SEPTIN9: variants seen among roughly 807,000 people sequenced by gnomAD.
The protein encoded by SEPTIN9 is septin 9, also known as septin-9.
A neutral mutation model predicts 56.6 loss-of-function variants in SEPTIN9; 13 were observed. That is an observed-to-expected ratio of 0.23 (90% CI 0.15 to 0.37). SEPTIN9 has a LOEUF of 0.37. Among genes scored for constraint, SEPTIN9 ranks in the 10% least tolerant of loss-of-function variants. SEPTIN9 has a pLI of 1.00. For missense variants in SEPTIN9, 650 were observed against 823.1 expected (o/e 0.79, Z 2.57); for synonymous variants, 332 against 334.1 (o/e 0.99, Z 0.07).
intron 3 of SEPTIN9, chr17:77,444,789 G>A (rs1029620448): frequency 2.0e-5 from 5 of 250,568 alleles, no homozygotes; most frequent in South Asian, 1.6e-4. Flanking sequence ...ATAGTGAGAC[G>A]GGCGGACACC....
intron 4 of SEPTIN9, 160 bp downstream of exon 4, chr17:77,482,495 G>C (rs775920156): frequency 1.9e-5 from 15 of 779,390 alleles, no homozygotes; most frequent in Non-Finnish European, 3.1e-5. Flanking sequence ...GTGCATGCAT[G>C]CGCCTGGGAG....
intron 3 of SEPTIN9, among the ~76,000 whole-genome samples, chr17:77,407,111 A>G (rs113594252): frequency 0.074 from 11,166 of 151,888 alleles, 1,244 homozygotes; most frequent in African/African-American, 0.24. Flanking sequence ...GAGAAACCCT[A>G]TCTTTACAAA....
At chr17:77,444,871 T>G in intron 3 of SEPTIN9, 1 of 324,056 alleles carries the variant, frequency 3.1e-6, no homozygotes, top group East Asian at 9.2e-5. Context: ...CTTTGAGAGG[T>G]TGGGCTGTTC....
intron 2 of SEPTIN9, among the ~76,000 whole-genome samples, chr17:77,386,002 G>C (rs965609110): frequency 6.6e-6 from 1 of 152,188 alleles, no homozygotes; most frequent in South Asian, 2.1e-4. Flanking sequence ...TTTCGGTCCA[G>C]CCCTTCCTGT....
intron 10 of SEPTIN9, among the ~76,000 whole-genome samples, chr17:77,494,614 C>T (rs2040174383): frequency 1.3e-5 from 2 of 152,244 alleles, no homozygotes. Context: ...TACCAGGAGG[C>T]ATCAGACACT....
intron 3 of SEPTIN9, among the ~76,000 whole-genome samples, chr17:77,414,292 C>T (rs1247442099): frequency 6.6e-6 from 1 of 151,876 alleles, no homozygotes; most frequent in Non-Finnish European, 1.5e-5. Context: ...TGAGGCTGGT[C>T]TCGAACTCCT....
intron 3 of SEPTIN9, among the ~76,000 whole-genome samples, chr17:77,408,142 G>A (rs2036158599): frequency 6.6e-6 from 1 of 152,174 alleles, no homozygotes; most frequent in African/African-American, 2.4e-5. Flanking sequence ...GCTCAGTTCT[G>A]GGCATGTCCC....
In SEPTIN9 at chr17:77,319,291, A is replaced by G. The variant is rs2032814663; in HGVS notation, c.76+12094A>G. On this transcript the variant is annotated intron_variant, in intron 2 of 11. Transcript: ENST00000427177. The surrounding 1 kb of genome is among the most constrained non-coding windows in gnomAD (Gnocchi z 5.3). ...CTTGGCCTCAGCATGGACCCTGACC[A>G]TGTGCTGGTGGGGACCCCCCAGGTA... Among the ~76,000 whole-genome samples the G allele has an allele frequency of 6.6e-6, 1 of 152,114 alleles. No homozygotes were observed. The highest frequency in any genetic ancestry group is 1.5e-5 in the Non-Finnish European group (1 of 68,008).
At chr17:77,423,962 C>T (rs1380729445) in intron 3 of SEPTIN9, among the ~76,000 whole-genome samples, 1 of 25,302 alleles carries the variant, frequency 4.0e-5, no homozygotes, top group Non-Finnish European at 5.9e-5. Flanking sequence ...AACACTCTGC[C>T]AGGGCATGTC....
rs189537244 is a variant in SEPTIN9, at chr17:77,402,123, C to G, written c.141C>G (p.Val47=). 1.9e-4 allele frequency: 312 copies of G among 1,613,900 alleles called. 1 individual carries two copies. The African/African-American group carries it at 3.4e-3, about 18-fold the overall frequency. Residue 47 remains valine, a synonymous_variant, in exon 3 of 12, where the codon GTC becomes GTG. Coordinates refer to ENST00000427177, the MANE Select transcript of SEPTIN9 (RefSeq NM_001113491.2). This position sits in a 1 kb window ranked among gnomAD's most constrained non-coding sequence, Gnocchi z 6.6. ...CCAACTCCACCCCACCCCGGAGGGTCCAGACTCCCCTACTCCGAGCCACTG... is the reference window on the plus strand; with the variant it reads ...CCAACTCCACCCCACCCCGGAGGGTGCAGACTCCCCTACTCCGAGCCACTG... The part of the protein sequence containing the change: ...ETPNSTPPRR[V]QTPLLRATVA...
chr17:77,338,729 T>C (rs2033635162), intron 2 of SEPTIN9, among the ~76,000 whole-genome samples: 1 of 152,232 alleles, frequency 6.6e-6, no homozygotes, highest in Non-Finnish European at 1.5e-5. Flanking sequence ...GGCAGTTTCT[T>C]AACTGAAGTT....
At chr17:77,294,103 CAAAA>C (rs376507344) in intron 1 of SEPTIN9, among the ~76,000 whole-genome samples, 66 of 115,892 alleles carry the variant, frequency 5.7e-4, no homozygotes, top group African/African-American at 5.9e-4. Flanking sequence ...GACCATGTCT[CAAAA>C]AAAAAAAAAA....
rs376368089 is a variant in SEPTIN9, at chr17:77,451,573, C to G, written c.722-30571C>G. The G allele has an allele frequency of 7.1e-6, 7 of 983,786 alleles. No homozygotes were observed. The African/African-American group carries it at 8.7e-5, about 12-fold the overall frequency. 60.9% of individuals were successfully genotyped at this position (983,786 alleles called of 1,614,324 possible). A position where few individuals can be genotyped will look rare whatever the true frequency, so the allele number is the denominator to read the frequency against. ...TCTTCCCAGCCTTGCACCACTGGCT[C>G]GGGGGCTCTCAGGTGGCGCGGCCGC... On this transcript the variant is annotated intron_variant, in intron 3 of 11. Transcript: ENST00000427177. This position sits in a 1 kb window ranked among gnomAD's most constrained non-coding sequence, Gnocchi z 4.2.
At chr17:77,292,096 G>A (rs1048353893) in intron 1 of SEPTIN9, among the ~76,000 whole-genome samples, 2 of 151,994 alleles carry the variant, frequency 1.3e-5, no homozygotes, top group African/African-American at 4.8e-5. Flanking sequence ...TCTCTTCCTC[G>A]GCCCCTCAAG....
intron 3 of SEPTIN9, among the ~76,000 whole-genome samples, chr17:77,410,641 C>T (rs1363021688): frequency 1.3e-5 from 2 of 152,200 alleles, no homozygotes; most frequent in African/African-American, 4.8e-5. Flanking sequence ...GGGCACAATT[C>T]TTCCTGTGCA....
rs78425720 is a variant in SEPTIN9, at chr17:77,294,757, G to C, written c.20-12384G>C. On this transcript the variant is annotated intron_variant, in intron 1 of 11. Coordinates refer to ENST00000427177, the MANE Select transcript of SEPTIN9 (RefSeq NM_001113491.2). ...GCTTACAACTTCACCTCTGGTGATG[G>C]GAGTAATTTTCCACAGATTTGCTTC... is the stretch of plus-strand genomic sequence containing the variant. The C allele has an allele frequency of 1.3e-3, 205 of 152,568 alleles. 4 individuals are homozygous for C. The East Asian group carries it at 0.035, about 26-fold the overall frequency. 9.5% of individuals were successfully genotyped at this position (152,568 alleles called of 1,614,324 possible). A position where few individuals can be genotyped will look rare whatever the true frequency, so the allele number is the denominator to read the frequency against.
chr17:77,316,833 A>C (rs1462002911), intron 2 of SEPTIN9, among the ~76,000 whole-genome samples: 1 of 151,562 alleles, frequency 6.6e-6, no homozygotes, highest in Non-Finnish European at 1.5e-5. Flanking sequence ...CAGCCTCCCA[A>C]AGTGCTGAGA....
intron 4 of SEPTIN9, chr17:77,483,535 G>C (rs2039545940): frequency 1.3e-5 from 2 of 152,880 alleles, no homozygotes; most frequent in Non-Finnish European, 2.9e-5. Flanking sequence ...AGAGGGGAGA[G>C]GCCCAAAGGC....
intron 3 of SEPTIN9, among the ~76,000 whole-genome samples, chr17:77,465,702 G>T (rs1036546898): frequency 6.6e-6 from 1 of 152,170 alleles, no homozygotes; most frequent in Admixed American, 6.5e-5. Context: ...TCCTTTGCCT[G>T]TTGGAGCCCA....
Sources: gnomAD v4.1 joint callset for allele counts (sites outside exome capture counted in the v4.1 genomes callset) on GRCh38, gnomAD v4.1.1 for gene constraint, Gnocchi (gnomAD v3.1) non-coding constraint, MANE v1.5 for transcripts, NCBI Gene and HGNC (gene_info 2026-07-23, HGNC 2026-07-21) for gene names.